Variants in ERCC6 observed in about 807,000 individuals in gnomAD.
ERCC6 encodes the protein DNA excision repair protein ERCC-6.
ERCC6 carries 116 observed loss-of-function variants against 158.7 expected under a neutral mutation model. That is an observed-to-expected ratio of 0.73 (90% CI 0.63 to 0.85). ERCC6 has a LOEUF of 0.85. Among genes scored for constraint, ERCC6 ranks in the 40% least tolerant of loss-of-function variants. ERCC6 has a pLI of 0.00. For synonymous variants in ERCC6, 678 were observed against 659.3 expected (o/e 1.03, Z -0.43); for missense variants, 1,698 against 1,799.4 (o/e 0.94, Z 1.02).
intron 15 of ERCC6, 22 bp downstream of exon 15, chr10:49,472,887 T>A (rs561519544): frequency 4.0e-4 from 608 of 1,520,872 alleles, no homozygotes; most frequent in Middle Eastern, 1.4e-3. Flanking sequence ...TACATTCTTT[T>A]AAAAAAAAAA....
chr10:49,478,341 T>C lies in ERCC6; in HGVS notation c.2286+13A>G. ...GCTTTAGGAATGCTTCGTTAACTCC[T>C]GGATTTACAGACCTGTTCATTTTTA... On this transcript the variant is annotated intron_variant, in intron 11 of 20. Coordinates refer to ENST00000355832, the MANE Select transcript of ERCC6 (RefSeq NM_000124.4). The C allele has an allele frequency of 6.5e-7, 1 of 1,536,960 alleles. No homozygotes were observed. Among genetic ancestry groups the C allele is most frequent in the Non-Finnish European group, 9.0e-7 (1 of 1,109,714 alleles).
intron 5 of ERCC6, among the ~76,000 whole-genome samples, chr10:49,507,035 A>AGAGAGAATGTCCGAGGGAAGGC: frequency 6.6e-6 from 1 of 152,138 alleles, no homozygotes; most frequent in South Asian, 2.1e-4. Context: ...TGCAAGAGTA[A>AGAGAGAATGTCCGAGGGAAGGC]GAGAGAATGT....
At chr10:49,533,697 AG>A (rs1837526531) in intron 1 of ERCC6, among the ~76,000 whole-genome samples, 1 of 152,154 alleles carries the variant, frequency 6.6e-6, no homozygotes, top group South Asian at 2.1e-4. Context: ...CAGTTACTCA[AG>A]GGGCTGAGGC....
Position 49,461,448 on chromosome 10 carries a change from G to T in ERCC6, c.3887C>A (p.Ala1296Glu). 2 of 1,614,208 alleles carry T rather than the reference G, an allele frequency of 1.2e-6. No individual in the cohort carries two copies. Among genetic ancestry groups the T allele is most frequent in the South Asian group, 2.2e-5 (2 of 91,086 alleles). Residue 1296 changes from alanine (A) to glutamate (E), a missense_variant, in exon 19 of 21, where the codon GCA (alanine) becomes GAA (glutamate). Ala to Glu is a moderately radical substitution (Grantham distance 107). Coordinates refer to ENST00000355832, the MANE Select transcript of ERCC6 (RefSeq NM_000124.4). ...ACACCGCTGACGAGAGAGCCTCAGT[G>T]CTTTCAGGGCATCCTGGGCCACTCG... is the stretch of plus-strand genomic sequence containing the variant. ...ANRVAQDALKALRLSRQRCLG... is the reference protein window; with the variant it reads ...ANRVAQDALKELRLSRQRCLG...
chr10:49,507,792 C>G (rs1851468987), intron 5 of ERCC6, among the ~76,000 whole-genome samples: 1 of 152,132 alleles, frequency 6.6e-6, no homozygotes, highest in Non-Finnish European at 1.5e-5. Flanking sequence ...TGCTAAACAT[C>G]CTACACCACA....
intron 18 of ERCC6, among the ~76,000 whole-genome samples, chr10:49,468,262 G>A (rs551944135): frequency 1.2e-4 from 19 of 152,294 alleles, no homozygotes; most frequent in South Asian, 4.1e-4. Flanking sequence ...CTCCGCTATC[G>A]TCTCTTGCAT....
intron 18 of ERCC6, among the ~76,000 whole-genome samples, chr10:49,467,706 C>T (rs1278204457): frequency 6.6e-6 from 1 of 152,008 alleles, no homozygotes; most frequent in East Asian, 1.9e-4. Context: ...GCTGGGACCA[C>T]AGGTGTATGC....
chr10:49,524,468 A>G lies in ERCC6; in HGVS notation c.962T>C (p.Leu321Pro), dbSNP rs199899782. 2.5e-4 allele frequency: 397 copies of G among 1,614,230 alleles called. 2 individuals carry two copies. The highest frequency in any genetic ancestry group is 3.4e-6 in the Non-Finnish European group (4 of 1,180,042). Reference sequence around the variant, plus strand: ...TTTCAAACGCTCCTCTTTTTTGGACAGAACTCTGGCTTTCTTGTTTGGTTT... The same window carrying G: ...TTTCAAACGCTCCTCTTTTTTGGACGGAACTCTGGCTTTCTTGTTTGGTTT... The part of the protein sequence containing the change: ...KNKPNKKARV[L>P]SKKEERLKKH... The change falls in exon 5 of 21, where the codon CTG (leucine) becomes CCG (proline). Residue 321 changes from leucine (L) to proline (P), a missense_variant. Transcript: ENST00000355832.
At chr10:49,524,980 A>C in intron 4 of ERCC6, 1 of 1,342,958 alleles carries the variant, frequency 7.4e-7, no homozygotes. Flanking sequence ...CCTGTTCAAA[A>C]AGACAACTTC....
intron 10 of ERCC6, among the ~76,000 whole-genome samples, chr10:49,479,333 A>T (rs1346545777): frequency 2.0e-5 from 3 of 152,212 alleles, no homozygotes; most frequent in Non-Finnish European, 2.9e-5. Context: ...ACAGAAAAAA[A>T]AGTTAAAAAA....
chr10:49,511,716 T>C (rs1012956068), intron 5 of ERCC6, among the ~76,000 whole-genome samples: 3 of 152,136 alleles, frequency 2.0e-5, no homozygotes, highest in South Asian at 2.1e-4. Flanking sequence ...TGAGCCACCA[T>C]TCCCGACCCA....
chr10:49,522,636 T>C (rs1379422342), intron 5 of ERCC6, among the ~76,000 whole-genome samples: 2 of 152,228 alleles, frequency 1.3e-5, no homozygotes, highest in Non-Finnish European at 2.9e-5. Flanking sequence ...ACTGATATAT[T>C]TTAAACATAT....
At chr10:49,479,407 T>A (rs1850937671) in intron 10 of ERCC6, among the ~76,000 whole-genome samples, 1 of 152,224 alleles carries the variant, frequency 6.6e-6, no homozygotes, top group African/African-American at 2.4e-5. Context: ...CATATATGTA[T>A]GTGTGTGTAT....
At chr10:49,535,570 T>G (rs1312081662) in intron 1 of ERCC6, among the ~76,000 whole-genome samples, 1 of 152,232 alleles carries the variant, frequency 6.6e-6, no homozygotes, top group Non-Finnish European at 1.5e-5. Flanking sequence ...ACAATTCTGT[T>G]TTCATTTTTC....
chr10:49,532,354 A>G (rs557650408), intron 2 of ERCC6, among the ~76,000 whole-genome samples, 189 bp downstream of exon 2: 1 of 152,280 alleles, frequency 6.6e-6, no homozygotes, highest in East Asian at 1.9e-4. Flanking sequence ...TACCATGTAC[A>G]ATGCCACTCC....
At chr10:49,484,026 C>T (rs1220674322) in intron 8 of ERCC6, among the ~76,000 whole-genome samples, 2 of 151,788 alleles carry the variant, frequency 1.3e-5, no homozygotes, top group Admixed American at 1.3e-4. Flanking sequence ...CAACTGTAAT[C>T]CCAGCACTTT....
rs544466390 is a variant in ERCC6 at position 49,539,101 on chromosome 10, T to C, written c.-154A>G. The stretch of plus-strand genomic sequence containing the variant: ...CCCCAACAGCGACTCCGACTTCTGC[T>C]GGTGCGGGGAGGCCCGTGGCGCATG... On this transcript the variant is annotated 5_prime_UTR_variant, in exon 1 of 21. Transcript: ENST00000355832. The C allele has an allele frequency of 2.6e-5, 4 of 152,282 alleles. No individual in the cohort carries two copies. Among genetic ancestry groups the C allele is most frequent in the Non-Finnish European group, 5.9e-5 (4 of 68,128 alleles). The allele number at this position is 152,282 out of a possible 1,614,324, so 9.4% of individuals were successfully genotyped here.
intron 5 of ERCC6, chr10:49,515,881 T>C: frequency 6.2e-7 from 1 of 1,614,210 alleles, no homozygotes; most frequent in Non-Finnish European, 8.5e-7. Flanking sequence ...TCATTCCATC[T>C]GCAGACAATA....
chr10:49,490,937 A>G (rs965258477), intron 8 of ERCC6, among the ~76,000 whole-genome samples: 2 of 152,250 alleles, frequency 1.3e-5, no homozygotes, highest in Non-Finnish European at 2.9e-5. Context: ...GCTGAGTTAG[A>G]GGACGAATCA....
Sources: allele counts gnomAD v4.1 joint callset (sites outside exome capture counted in the v4.1 genomes callset), GRCh38; gene constraint gnomAD v4.1.1; transcripts MANE v1.5; gene names NCBI Gene and HGNC (gene_info 2026-07-23, HGNC 2026-07-21).